Variants in MAGI2 observed in about 807,000 individuals in gnomAD.
MAGI2 encodes the protein membrane-associated guanylate kinase, WW and PDZ domain-containing protein 2.
A neutral mutation model predicts 133.3 loss-of-function variants in MAGI2; 35 were observed. The ratio of observed to expected loss-of-function variants is 0.26; its 90% confidence interval spans 0.20 to 0.35. The LOEUF is 0.35. Among genes scored for constraint, MAGI2 ranks in the 10% least tolerant of loss-of-function variants. The probability of loss-of-function intolerance (pLI) is 1.00; values close to 1 mark genes in which losing one functional copy is unlikely to be tolerated. For missense variants in MAGI2, 1,636 were observed against 1,863.4 expected, an observed-to-expected ratio of 0.88 and a Z score of 2.25; for synonymous variants, 729 against 710.6, an observed-to-expected ratio of 1.03 and a Z score of -0.41.
At position 78,067,018 on chromosome 7, in the gene MAGI2, C is replaced by T. The variant is rs530712843; in HGVS notation, c.3706+11929G>A. Among the ~76,000 whole-genome samples, 17 of 152,216 alleles carry T rather than the reference C, an allele frequency of 1.1e-4. No individual in the cohort carries two copies. In the South Asian group the frequency reaches 2.5e-3, roughly 22 times the overall value. On this transcript the variant is annotated intron_variant, in intron 21 of 21. Coordinates refer to ENST00000354212, the MANE Select transcript of MAGI2 (RefSeq NM_012301.4). ...GCCACATGGGGTGTTTTTCATAGCA[C>T]GGTGTGTTTGAGGAAAGGGAGAGTG... is the stretch of plus-strand genomic sequence containing the variant.
At chr7:79,285,736 C>A (rs575885572) in intron 1 of MAGI2, among the ~76,000 whole-genome samples, 49 of 152,136 alleles carry the variant, frequency 3.2e-4, no homozygotes, top group Admixed American at 8.5e-4. Flanking sequence ...ACTGCAGAAA[C>A]AATGTTAGAG....
intron 9 of MAGI2, among the ~76,000 whole-genome samples, 198 bp from the exon 10 acceptor site, chr7:78,256,779 G>GA (rs1374899753): frequency 6.6e-6 from 1 of 152,010 alleles, no homozygotes; most frequent in African/African-American, 2.4e-5. Flanking sequence ...ATGAAGTGCT[G>GA]AAAAAAAGCT....
At chr7:79,282,294 C>T (rs1349139340) in intron 1 of MAGI2, among the ~76,000 whole-genome samples, 2 of 152,124 alleles carry the variant, frequency 1.3e-5, no homozygotes, top group African/African-American at 2.4e-5. Context: ...AAGAGAGCTG[C>T]GGCAGGCTTG....
At chr7:78,391,109 T>C (rs1170128727) in intron 6 of MAGI2, among the ~76,000 whole-genome samples, 2 of 152,170 alleles carry the variant, frequency 1.3e-5, no homozygotes, top group African/African-American at 2.4e-5. Flanking sequence ...CCATTACGTA[T>C]CCAGCCTTTA....
chr7:78,297,894 G>A (rs1367734093), intron 9 of MAGI2, among the ~76,000 whole-genome samples: 4 of 149,228 alleles, frequency 2.7e-5, no homozygotes, highest in Non-Finnish European at 5.9e-5. Context: ...TAGGTGACGA[G>A]TTAGTGGGTG....
chr7:78,085,573 CACACACACAA>C (rs1356195120), intron 20 of MAGI2, among the ~76,000 whole-genome samples: 1 of 142,548 alleles, frequency 7.0e-6, no homozygotes, highest in Admixed American at 6.8e-5. Context: ...CACACACACA[CACACACACAA>C]ACAAAACAAA....
chr7:78,334,125 T>C (rs952446598), intron 9 of MAGI2, among the ~76,000 whole-genome samples: 1 of 152,166 alleles, frequency 6.6e-6, no homozygotes, highest in Admixed American at 6.5e-5. Context: ...GAATGTTTAA[T>C]GAACAACCAG....
At chr7:79,366,635 T>G (rs1039599955) in intron 1 of MAGI2, among the ~76,000 whole-genome samples, 7 of 152,204 alleles carry the variant, frequency 4.6e-5, no homozygotes, top group African/African-American at 1.2e-4. Context: ...TCTTATCCTA[T>G]CATTTTTTCA....
chr7:79,369,727 C>T (rs888994415), intron 1 of MAGI2, among the ~76,000 whole-genome samples: 3 of 152,042 alleles, frequency 2.0e-5, no homozygotes, highest in East Asian at 1.9e-4. Context: ...ACATGCACAT[C>T]GATACATATG....
chr7:78,732,845 C>T (rs182428322), intron 2 of MAGI2, among the ~76,000 whole-genome samples: 115 of 152,160 alleles, frequency 7.6e-4, no homozygotes, highest in Non-Finnish European at 1.3e-3. Context: ...AAAGTAACAA[C>T]ACCTTTAATA....
In MAGI2 at chr7:79,280,114, T is replaced by A. The variant is rs543088723; in HGVS notation, c.301+172906A>T. Among the ~76,000 whole-genome samples the A allele has an allele frequency of 1.4e-3, 215 of 152,314 alleles. 1 individual carries two copies. Among genetic ancestry groups the A allele is most frequent in the Non-Finnish European group, 2.1e-3 (142 of 68,018 alleles). On this transcript the variant is annotated intron_variant, in intron 1 of 21. Transcript: ENST00000354212. ...GTACATAGCTACATGATGTAGGATG[T>A]TCAAAAATATAATAAGTCTTGGTCT...
rs555244650 is a variant in MAGI2 at position 79,426,889 on chromosome 7, C to G, written c.301+26131G>C. Reference sequence around the variant, plus strand: ...CCCCTATTCAAATGACATAATTGTACTTTTGAAAATTAGGGCACTTCAACC... The same window carrying G: ...CCCCTATTCAAATGACATAATTGTAGTTTTGAAAATTAGGGCACTTCAACC... On this transcript the variant is annotated intron_variant, in intron 1 of 21. Transcript: ENST00000354212. Among the ~76,000 whole-genome samples the G allele has an allele frequency of 2.3e-4, 35 of 152,192 alleles. No homozygotes were observed. In the East Asian group the frequency reaches 6.4e-3, roughly 28 times the overall value.
chr7:78,051,530 CATTG>C (rs1207991230), intron 21 of MAGI2, among the ~76,000 whole-genome samples: 3 of 152,160 alleles, frequency 2.0e-5, no homozygotes, highest in African/African-American at 7.2e-5. Context: ...ACAGTGCAGC[CATTG>C]CGTAGCCATT....
chr7:78,389,724 G>C (rs886239120), intron 6 of MAGI2, among the ~76,000 whole-genome samples: 4 of 152,094 alleles, frequency 2.6e-5, no homozygotes, highest in African/African-American at 9.7e-5. Context: ...ATTTTCCAAA[G>C]TGTGCTGGTT....
At chr7:79,089,257 C>T (rs1816826944) in intron 1 of MAGI2, among the ~76,000 whole-genome samples, 1 of 152,004 alleles carries the variant, frequency 6.6e-6, no homozygotes, top group South Asian at 2.1e-4. Context: ...CAATGAGGTA[C>T]CATCTCACAC....
chr7:79,208,522 A>C (rs115887474), intron 1 of MAGI2, among the ~76,000 whole-genome samples: 13,207 of 151,858 alleles, frequency 0.087, 1,996 homozygotes, highest in African/African-American at 0.3. Context: ...ATAAAAGACA[A>C]AAAAAGAGAA....
intron 9 of MAGI2, among the ~76,000 whole-genome samples, chr7:78,333,289 G>A (rs1446908439): frequency 6.6e-6 from 1 of 152,178 alleles, no homozygotes; most frequent in Non-Finnish European, 1.5e-5. Context: ...AAGATTGTGA[G>A]AAGGCAGAGT....
In MAGI2 at chr7:78,228,286, G is replaced by A. The variant is rs558333182; in HGVS notation, c.2048-27093C>T. On this transcript the variant is annotated intron_variant, in intron 10 of 21. Transcript: ENST00000354212. ...CCTAGATCACTGTTTCCTAAGTTGC[G>A]GTCCCTAAACCATCTGCATCAGAAT... Among the ~76,000 whole-genome samples, 14 of 152,248 alleles carry A rather than the reference G, an allele frequency of 9.2e-5. No homozygotes were observed. The South Asian group carries it at 2.1e-3, about 23-fold the overall frequency.
At chr7:78,109,630 T>TCAAAA (rs199599933) in intron 20 of MAGI2, among the ~76,000 whole-genome samples, 5,875 of 152,174 alleles carry the variant, frequency 0.039, 132 homozygotes, top group East Asian at 0.064. Flanking sequence ...AGACTCCGTC[T>TCAAAA]CAAAACAAAA....
Sources: gnomAD v4.1 joint callset for allele counts (sites outside exome capture counted in the v4.1 genomes callset) on GRCh38, gnomAD v4.1.1 for gene constraint, MANE v1.5 for transcripts, NCBI Gene and HGNC (gene_info 2026-07-23, HGNC 2026-07-21) for gene names.